Variants in ATP7B observed in about 807,000 individuals in gnomAD.
ATP7B encodes the protein copper-transporting ATPase 2.
ATP7B carries 113 observed loss-of-function variants against 118.9 expected under a neutral mutation model. That is an observed-to-expected ratio of 0.95 (90% CI 0.82 to 1.11). ATP7B has a LOEUF of 1.11. ATP7B is among the 50% of genes most tolerant of loss of function. The pLI is 0.00. For missense variants in ATP7B, 1,867 were observed against 1,871.4 expected, an observed-to-expected ratio of 1.00 and a Z score of 0.04; for synonymous variants, 777 against 727.4, an observed-to-expected ratio of 1.07 and a Z score of -1.10.
intron 9 of ATP7B, among the ~76,000 whole-genome samples, chr13:51,955,626 G>T (rs1958287574): frequency 6.6e-6 from 1 of 152,206 alleles, no homozygotes; most frequent in Non-Finnish European, 1.5e-5. Flanking sequence ...CCAAGCAACT[G>T]CAGTCAGTGC....
intron 1 of ATP7B, among the ~76,000 whole-genome samples, chr13:51,976,943 GA>G (rs1380360575): frequency 6.6e-6 from 1 of 152,080 alleles, no homozygotes; most frequent in Non-Finnish European, 1.5e-5. Flanking sequence ...CACTACTGTC[GA>G]TTTTATAAAC....
At chr13:51,942,616 G>A in intron 14 of ATP7B, 62 bp from the exon 15 acceptor site, 1 of 1,598,316 alleles carries the variant, frequency 6.3e-7, no homozygotes, top group South Asian at 1.1e-5. Context: ...GTGAAAGGGA[G>A]GGGCAGGCAG....
chr13:51,960,358 T>C (rs1958651109), intron 6 of ATP7B, 36 bp from the exon 7 acceptor site: 3 of 1,603,492 alleles, frequency 1.9e-6, no homozygotes, highest in African/African-American at 1.3e-5. Flanking sequence ...ATATATCAGA[T>C]GCTGCTTGTC....
intron 16 of ATP7B, among the ~76,000 whole-genome samples, chr13:51,940,283 G>A (rs1451878706): frequency 7.4e-5 from 11 of 148,360 alleles, no homozygotes; most frequent in Non-Finnish European, 1.6e-4. Flanking sequence ...AAAGTGCTGG[G>A]ATTACAGGCG....
chr13:51,973,794 G>C lies in ATP7B; in HGVS notation c.1285+141C>G, dbSNP rs576162897. 3.2e-6 allele frequency: 4 copies of C among 1,266,988 alleles called. No homozygotes were observed. The Admixed American group carries it at 7.7e-5, about 24-fold the overall frequency. 78.5% of individuals were successfully genotyped at this position (1,266,988 alleles called of 1,614,324 possible). On this transcript the variant is annotated intron_variant, in intron 2 of 20. Transcript: ENST00000242839. The stretch of plus-strand genomic sequence containing the variant: ...TCCTCTATCTTAACAAATTTAACAT[G>C]CAAGGAAAGTTTGCAGGATTTTGTT...
Position 51,934,608 on chromosome 13 carries a change from G to T in ATP7B, c.*148C>A. 7.5e-7 allele frequency: 1 copy of T among 1,327,582 alleles called. No individual in the cohort carries two copies. The highest frequency in any genetic ancestry group is 1.0e-6 in the Non-Finnish European group (1 of 959,318). 82.2% of individuals were successfully genotyped at this position (1,327,582 alleles called of 1,614,324 possible). On this transcript the variant is annotated 3_prime_UTR_variant, in exon 21 of 21. Coordinates refer to ENST00000242839, the MANE Select transcript of ATP7B (RefSeq NM_000053.4). ...CCCAGCTGCACCCAGACAAGGCCGC[G>T]TGCTGCAGGGCAGGATGACTGGACA...
intron 1 of ATP7B, among the ~76,000 whole-genome samples, chr13:51,989,516 T>C (rs1952811995): frequency 1.3e-5 from 2 of 151,284 alleles, no homozygotes; most frequent in Admixed American, 1.3e-4. Context: ...AAATGTAGCA[T>C]ATCTGACACT....
intron 12 of ATP7B, among the ~76,000 whole-genome samples, chr13:51,949,093 C>A (rs1238783322): frequency 6.6e-6 from 1 of 152,042 alleles, no homozygotes; most frequent in South Asian, 2.1e-4. Flanking sequence ...GACGGGAGAA[C>A]TGGTTGAACC....
chr13:51,997,975 G>A (rs1953294634), intron 1 of ATP7B, among the ~76,000 whole-genome samples: 1 of 152,154 alleles, frequency 6.6e-6, no homozygotes, highest in African/African-American at 2.4e-5. Context: ...CAAGGCATGG[G>A]CCACCTTCCT....
At chr13:52,005,334 G>A (rs1420602550) in intron 1 of ATP7B, among the ~76,000 whole-genome samples, 1 of 152,156 alleles carries the variant, frequency 6.6e-6, no homozygotes. Context: ...GCAGCACCCT[G>A]CACACTCTGC....
chr13:51,951,182 G>A (rs1470373158), intron 9 of ATP7B, among the ~76,000 whole-genome samples: 2 of 152,074 alleles, frequency 1.3e-5, no homozygotes, highest in African/African-American at 4.8e-5. Context: ...ACTACAGAGA[G>A]AGGGAGAAGA....
In ATP7B at chr13:51,965,708, G is replaced by A. The variant is rs76870949; in HGVS notation, c.1708-675C>T. Reference sequence around the variant, plus strand: ...AAACATCAAAAGCCAGGCTTCTCTGGACACAGGATGCTCGAGGGAGAGGAG... The same window carrying A: ...AAACATCAAAAGCCAGGCTTCTCTGAACACAGGATGCTCGAGGGAGAGGAG... On this transcript the variant is annotated intron_variant, in intron 4 of 20. Transcript: ENST00000242839. Among the ~76,000 whole-genome samples the A allele has an allele frequency of 2.2e-4, 34 of 152,292 alleles. No homozygotes were observed. The East Asian group carries it at 5.0e-3, about 22-fold the overall frequency.
intron 15 of ATP7B, among the ~76,000 whole-genome samples, chr13:51,941,617 G>C (rs1957339213): frequency 6.6e-6 from 1 of 152,136 alleles, no homozygotes; most frequent in African/African-American, 2.4e-5. Flanking sequence ...AACAACCCCA[G>C]GTGAATCAAC....
Position 51,979,400 on chromosome 13 carries a change from G to A in ATP7B, c.52-4232C>T, listed in dbSNP as rs572525978. 3.3e-5 allele frequency among the ~76,000 whole-genome samples: 5 copies of A among 152,200 alleles called. No homozygotes were observed. In the South Asian group the frequency reaches 1.0e-3, roughly 32 times the overall value. ...TTGAGGAAGATTAGGCAGCTGAAGG[G>A]GACCAGGTGGCTGGGATACAGAGAA... On this transcript the variant is annotated intron_variant, in intron 1 of 20. Transcript: ENST00000242839.
At position 51,946,575 on chromosome 13, in the gene ATP7B, C is replaced by A. The variant is rs1957677338; in HGVS notation, c.2866-97G>T. 5 of 1,404,484 alleles carry A rather than the reference C, an allele frequency of 3.6e-6. No homozygotes were observed. In the Admixed American group the frequency reaches 9.6e-5, roughly 27 times the overall value. 87.0% of individuals were successfully genotyped at this position (1,404,484 alleles called of 1,614,324 possible). On this transcript the variant is annotated intron_variant, in intron 12 of 20. Transcript: ENST00000242839. ...GGACATTTCAGGGGGGCACTGGACACAACGTGACGAACTTGGGTTCCGGAA... is the reference window on the plus strand; with the variant it reads ...GGACATTTCAGGGGGGCACTGGACAAAACGTGACGAACTTGGGTTCCGGAA...
At position 51,975,109 on chromosome 13, in the gene ATP7B, A is replaced by G. The variant is rs748698125; in HGVS notation, c.111T>C (p.Phe37=). 8.1e-6 allele frequency: 13 copies of G among 1,614,276 alleles called. No individual in the cohort carries two copies. Among genetic ancestry groups the G allele is most frequent in the Non-Finnish European group, 1.1e-5 (13 of 1,180,048 alleles). ...CTTCATAGCCAACATTGTCAAAAGC[A>G]AAACTCTTCTTCATTGCTGGTTCCC... ...RAWEPAMKKS[F]AFDNVGYEGG... Residue 37 remains phenylalanine (F), a synonymous_variant, in exon 2 of 21, where the codon TTT becomes TTC. Coordinates refer to ENST00000242839, the MANE Select transcript of ATP7B (RefSeq NM_000053.4).
At chr13:51,983,220 T>C (rs1452772569) in intron 1 of ATP7B, among the ~76,000 whole-genome samples, 1 of 152,138 alleles carries the variant, frequency 6.6e-6, no homozygotes, top group African/African-American at 2.4e-5. Flanking sequence ...ATGCTCAAGC[T>C]TGGTCGGGGG....
At chr13:51,975,755 T>C (rs765641861) in intron 1 of ATP7B, among the ~76,000 whole-genome samples, 1 of 152,204 alleles carries the variant, frequency 6.6e-6, no homozygotes, top group Non-Finnish European at 1.5e-5. Flanking sequence ...CCCAGGACCA[T>C]AGGGTCGGAA....
intron 1 of ATP7B, among the ~76,000 whole-genome samples, chr13:51,996,471 G>C (rs1342166792): frequency 6.6e-6 from 1 of 152,178 alleles, no homozygotes; most frequent in East Asian, 1.9e-4. Context: ...ACTAATTCCA[G>C]CCATACCTCC....
Sources: allele counts gnomAD v4.1 joint callset (sites outside exome capture counted in the v4.1 genomes callset), GRCh38; gene constraint gnomAD v4.1.1; transcripts MANE v1.5; gene names NCBI Gene and HGNC (gene_info 2026-07-23, HGNC 2026-07-21).